LINGO1: variants seen among roughly 807,000 people sequenced by gnomAD.
The protein encoded by LINGO1 is leucine-rich repeat and immunoglobulin-like domain-containing nogo receptor-interacting protein 1.
Under a neutral mutation model 37.3 loss-of-function variants are expected in LINGO1, and 11 were observed. That is an observed-to-expected ratio of 0.29 (90% CI 0.19 to 0.49). The LOEUF is 0.49. Ranked by LOEUF, LINGO1 falls within the 20% of genes least tolerant of loss-of-function variation. The probability of loss-of-function intolerance (pLI) is 0.99; values close to 1 mark genes in which losing one functional copy is unlikely to be tolerated. For missense variants in LINGO1, 585 were observed against 878.2 expected, an observed-to-expected ratio of 0.67 and a Z score of 4.22; for synonymous variants, 387 against 403.0, an observed-to-expected ratio of 0.96 and a Z score of 0.48.
intron 1 of LINGO1, among the ~76,000 whole-genome samples, chr15:77,748,979 C>A (rs909606744): frequency 1.5e-5 from 2 of 136,448 alleles, no homozygotes; most frequent in African/African-American, 5.5e-5. Context: ...GTGATATTGG[C>A]TCACTGCAAC....
chr15:77,746,269 G>A (rs75926082), intron 1 of LINGO1, among the ~76,000 whole-genome samples: 1 of 150,868 alleles, frequency 6.6e-6, no homozygotes, highest in Admixed American at 6.6e-5. Flanking sequence ...AATAAACACT[G>A]TTGCCTGGGT....
intron 1 of LINGO1, among the ~76,000 whole-genome samples, chr15:77,693,896 G>A (rs747530065): frequency 2.6e-5 from 4 of 152,116 alleles, no homozygotes; most frequent in Admixed American, 2.0e-4. Flanking sequence ...AAGAAACCTC[G>A]GGGGCCTGAT....
At position 77,623,379 on chromosome 15, in the gene LINGO1, C is replaced by T. The variant is rs2073983444; in HGVS notation, c.7-7479G>A. On this transcript the variant is annotated intron_variant, in intron 1 of 1. Coordinates refer to ENST00000355300, the MANE Select transcript of LINGO1 (RefSeq NM_032808.7). ...TTAGCCCAAATCCTGACCCCAGTCC[C>T]TGGACTCCTTTTAAAGATGCTCCAT... Among the ~76,000 whole-genome samples the T allele has an allele frequency of 2.6e-5, 4 of 152,252 alleles. No homozygotes were observed. The South Asian group carries it at 8.3e-4, about 31-fold the overall frequency.
intron 1 of LINGO1, among the ~76,000 whole-genome samples, chr15:77,781,347 C>T (rs1341125486): frequency 6.6e-6 from 1 of 152,162 alleles, no homozygotes; most frequent in African/African-American, 2.4e-5. Flanking sequence ...GCTCCCACGC[C>T]GAAGGAGGCT....
intron 2 of LINGO1, among the ~76,000 whole-genome samples, chr15:77,727,271 A>C (rs1017725436): frequency 2.6e-5 from 4 of 152,232 alleles, no homozygotes; most frequent in African/African-American, 9.6e-5. Flanking sequence ...CAGGATCTCA[A>C]AAGAGGTATG....
chr15:77,797,114 G>A (rs961332352), intron 1 of LINGO1, among the ~76,000 whole-genome samples: 2 of 152,222 alleles, frequency 1.3e-5, no homozygotes, highest in African/African-American at 2.4e-5. Flanking sequence ...GCAAGGCTCT[G>A]AGGCGTCCAT....
chr15:77,749,202 C>T (rs1224830051), intron 1 of LINGO1, among the ~76,000 whole-genome samples: 3 of 152,076 alleles, frequency 2.0e-5, no homozygotes, highest in Non-Finnish European at 4.4e-5. Context: ...GCCACTGCGC[C>T]CGGCCCCCCA....
chr15:77,664,156 TGTGTGTGTGTGTGTGC>T (rs2075063307), intron 3 of LINGO1, among the ~76,000 whole-genome samples: 1 of 132,960 alleles, frequency 7.5e-6, no homozygotes, highest in Admixed American at 7.2e-5. Context: ...TGTGTGTGTG[TGTGTGTGTGTGTGTGC>T]GCGCGCGCAT....
At chr15:77,689,632 T>C (rs568019844) in intron 2 of LINGO1, among the ~76,000 whole-genome samples, 21 of 152,262 alleles carry the variant, frequency 1.4e-4, no homozygotes, top group African/African-American at 4.8e-4. Flanking sequence ...TGTGTGTGAA[T>C]TATGTTCCAG....
intron 3 of LINGO1, among the ~76,000 whole-genome samples, chr15:77,672,568 C>A (rs529334042): frequency 6.6e-6 from 1 of 152,132 alleles, no homozygotes; most frequent in African/African-American, 2.4e-5. Context: ...CCTCACCTCT[C>A]ACTTCACTGA....
chr15:77,721,665 C>G (rs919189416), intron 2 of LINGO1, among the ~76,000 whole-genome samples: 23 of 152,194 alleles, frequency 1.5e-4, no homozygotes, highest in African/African-American at 5.3e-4. Context: ...CAGGCCTGCC[C>G]TAAGTCTGAG....
At chr15:77,671,359 AAGG>A (rs2075245804) in intron 3 of LINGO1, among the ~76,000 whole-genome samples, 1 of 152,120 alleles carries the variant, frequency 6.6e-6, no homozygotes, top group East Asian at 1.9e-4. Flanking sequence ...AGAAGGGAGG[AAGG>A]AGGAGAAGAA....
rs891240566 is a variant in LINGO1 at position 77,680,992 on chromosome 15, C to G, written c.-98-3818G>C. Among the ~76,000 whole-genome samples, 5 of 152,106 alleles carry G rather than the reference C, an allele frequency of 3.3e-5. 1 individual carries two copies. The highest frequency in any genetic ancestry group is 3.2e-3 in the Middle Eastern group (1 of 316). The stretch of plus-strand genomic sequence containing the variant: ...ACTAGCAGGCGACCCAAGGGAAAGC[C>G]CTTCCTGTTGATAAACGCCCCTGCG... On this transcript the variant is annotated intron_variant, in intron 2 of 3. Coordinates refer to the LINGO1 transcript ENST00000559893.
chr15:77,692,808 T>C (rs1457368463), intron 1 of LINGO1, among the ~76,000 whole-genome samples: 1 of 152,214 alleles, frequency 6.6e-6, no homozygotes, highest in Non-Finnish European at 1.5e-5. Flanking sequence ...CGCCAGCAAG[T>C]GCTGAACCTC....
intron 3 of LINGO1, among the ~76,000 whole-genome samples, chr15:77,653,321 G>A (rs2074801023): frequency 6.6e-6 from 1 of 152,144 alleles, no homozygotes; most frequent in Non-Finnish European, 1.5e-5. Context: ...ATCTTGAACT[G>A]ACCCTAGACT....
Position 77,781,942 on chromosome 15 carries a change from C to T in LINGO1, c.-257+4927G>A, listed in dbSNP as rs77323663. 3.4e-3 allele frequency among the ~76,000 whole-genome samples: 516 copies of T among 152,284 alleles called. 12 individuals are homozygous for T. In the East Asian group the frequency reaches 0.081, roughly 24 times the overall value. ...TGACAATCTGGCTCCTCAGAGGCCC[C>T]GCATGGGAAGGCAGAGGGAAGCAGC... is the stretch of plus-strand genomic sequence containing the variant. On this transcript the variant is annotated intron_variant, in intron 1 of 3. Transcript: ENST00000561686.
At chr15:77,755,383 G>A (rs2076409404) in intron 1 of LINGO1, among the ~76,000 whole-genome samples, 2 of 152,236 alleles carry the variant, frequency 1.3e-5, no homozygotes, top group South Asian at 4.1e-4. Context: ...CCTCATGGTA[G>A]AAATGAGGAA....
At chr15:77,724,125 G>A (rs982356083) in intron 2 of LINGO1, among the ~76,000 whole-genome samples, 1 of 152,196 alleles carries the variant, frequency 6.6e-6, no homozygotes, top group African/African-American at 2.4e-5. Context: ...GGGGAGTGGG[G>A]AGGGGGGCCC....
chr15:77,739,191 G>C (rs1331526509), intron 1 of LINGO1, among the ~76,000 whole-genome samples: 1 of 152,224 alleles, frequency 6.6e-6, no homozygotes, highest in Non-Finnish European at 1.5e-5. Context: ...CCGCTGCCAG[G>C]CAGCCCAGTA....
Sources: allele counts gnomAD v4.1 joint callset (sites outside exome capture counted in the v4.1 genomes callset), GRCh38; gene constraint gnomAD v4.1.1; transcripts MANE v1.5; gene names NCBI Gene and HGNC (gene_info 2026-07-23, HGNC 2026-07-21).